The following ITGB8 variants were observed in gnomAD, a reference collection of about 807,000 sequenced individuals.
The protein encoded by ITGB8 is integrin beta-8.
ITGB8 carries 30 observed loss-of-function variants against 89.5 expected under a neutral mutation model. That is an observed-to-expected ratio of 0.34 (90% CI 0.25 to 0.45). The LOEUF is 0.45. Among genes scored for constraint, ITGB8 ranks in the 20% least tolerant of loss-of-function variants. The probability of loss-of-function intolerance (pLI) is 1.00; values close to 1 mark genes in which losing one functional copy is unlikely to be tolerated. For missense variants in ITGB8, 836 were observed against 933.3 expected (o/e 0.90, Z 1.36); for synonymous variants, 335 against 320.4 (o/e 1.05, Z -0.49).
chr7:20,346,486 A>G (rs569637651), intron 1 of ITGB8: 1 of 153,216 alleles, frequency 6.5e-6, no homozygotes, highest in East Asian at 1.9e-4. Context: ...GGTGCAATAA[A>G]CAGGGATAAG....
Position 20,354,867 on chromosome 7 carries a change from CTCAATGCCACCT to C in ITGB8, c.128-8765_128-8754del, listed in dbSNP as rs1455752314. ...TGGGAATTGTGGCATTTCAGTTCCT[CTCAATGCCACCT>C]TCAACAAATTTAGGATTCCGTTAGT... On this transcript the variant is annotated intron_variant, in intron 1 of 13. Coordinates refer to ENST00000222573, the MANE Select transcript of ITGB8 (RefSeq NM_002214.3). Among the ~76,000 whole-genome samples, 13 of 152,324 alleles carry C rather than the reference CTCAATGCCACCT, an allele frequency of 8.5e-5. No individual in the cohort carries two copies. In the Middle Eastern group the frequency reaches 0.01, roughly 120 times the overall value.
chr7:20,391,783 T>C (rs1786869498), intron 7 of ITGB8, among the ~76,000 whole-genome samples: 1 of 152,184 alleles, frequency 6.6e-6, no homozygotes. Context: ...GTGACAATGG[T>C]GGAGAAGACT....
intron 7 of ITGB8, among the ~76,000 whole-genome samples, chr7:20,394,109 G>C (rs10240007): frequency 6.6e-6 from 1 of 152,306 alleles, no homozygotes; most frequent in African/African-American, 2.4e-5. Flanking sequence ...GACTTGAGAT[G>C]CCAAGTTGTT....
chr7:20,364,282 C>G (rs1016274946), intron 2 of ITGB8, among the ~76,000 whole-genome samples: 1 of 152,060 alleles, frequency 6.6e-6, no homozygotes, highest in East Asian at 1.9e-4. Flanking sequence ...GGGGTTTCTT[C>G]TTGTATGAGA....
rs1784411572 is a variant in ITGB8 at position 20,331,866 on chromosome 7, G to T, written c.60G>T (p.Arg20=). The T allele has an allele frequency of 6.2e-7, 1 of 1,613,956 alleles. No individual in the cohort carries two copies. Among genetic ancestry groups the T allele is most frequent in the African/African-American group, 1.3e-5 (1 of 74,942 alleles). The change falls in exon 1 of 14, where the codon CGG becomes CGT. Residue 20 remains arginine (R), a synonymous_variant. Transcript: ENST00000222573. ...CATTTGTCTGCCTGCAAAACGACCG[G>T]CGAGGTCCCGCCTCGTTCCTCTGGG... The part of the protein sequence containing the change: ...TAAFVCLQND[R]RGPASFLWAA...
In ITGB8 at chr7:20,362,478, G is replaced by A. The variant is rs952114375; in HGVS notation, c.128-1159G>A. Among the ~76,000 whole-genome samples the A allele has an allele frequency of 2.6e-5, 4 of 152,172 alleles. 1 individual carries two copies. In the East Asian group the frequency reaches 7.7e-4, roughly 29 times the overall value. Reference sequence around the variant, plus strand: ...TACTAAATGTGACTGCCTCTGGGGAGCAATCCTTAAATATGCCCTCTTCCT... The same window carrying A: ...TACTAAATGTGACTGCCTCTGGGGAACAATCCTTAAATATGCCCTCTTCCT... On this transcript the variant is annotated intron_variant, in intron 1 of 13. Transcript: ENST00000222573.
chr7:20,375,024 G>T (rs1786080811), intron 3 of ITGB8, among the ~76,000 whole-genome samples: 2 of 152,108 alleles, frequency 1.3e-5, no homozygotes, highest in Admixed American at 6.5e-5. Context: ...CAGTATTCTG[G>T]CATGCTAGAG....
At chr7:20,383,811 C>T (rs1786500108) in intron 6 of ITGB8, among the ~76,000 whole-genome samples, 1 of 152,118 alleles carries the variant, frequency 6.6e-6, no homozygotes. Flanking sequence ...GACCTTTTAC[C>T]TTCTTGGTCA....
At chr7:20,374,708 C>G (rs1382785876) in intron 3 of ITGB8, among the ~76,000 whole-genome samples, 2 of 152,024 alleles carry the variant, frequency 1.3e-5, no homozygotes, top group Non-Finnish European at 2.9e-5. Flanking sequence ...AGGCAGGGCA[C>G]AGGAGTATGC....
At chr7:20,398,818 G>T in intron 8 of ITGB8, 42 bp from the exon 9 acceptor site, 1 of 1,415,592 alleles carries the variant, frequency 7.1e-7, no homozygotes, top group South Asian at 1.7e-5. Context: ...GCTGACATTT[G>T]AAACTACTCT....
chr7:20,396,563 C>T (rs1253488312), intron 8 of ITGB8, among the ~76,000 whole-genome samples: 1 of 152,066 alleles, frequency 6.6e-6, no homozygotes, highest in Non-Finnish European at 1.5e-5. Context: ...TAAGGAAGAG[C>T]GTCTTAAATT....
intron 3 of ITGB8, among the ~76,000 whole-genome samples, chr7:20,373,361 A>G (rs1328984056): frequency 6.6e-6 from 1 of 152,200 alleles, no homozygotes; most frequent in Admixed American, 6.5e-5. Context: ...AGGAAACTGG[A>G]TATTAACTCT....
chr7:20,407,175 G>A (rs935602561), intron 12 of ITGB8, among the ~76,000 whole-genome samples: 11 of 152,106 alleles, frequency 7.2e-5, no homozygotes, highest in Admixed American at 2.6e-4. Context: ...ATGGAAGTAC[G>A]TTGCATGGGA....
intron 1 of ITGB8, among the ~76,000 whole-genome samples, chr7:20,345,995 C>T (rs1167559063): frequency 2.6e-5 from 4 of 152,098 alleles, no homozygotes; most frequent in African/African-American, 7.2e-5. Context: ...AACGAGAAAG[C>T]ATCTCCCTGT....
intron 1 of ITGB8, among the ~76,000 whole-genome samples, chr7:20,348,728 A>G (rs1211554063): frequency 1.3e-5 from 2 of 152,186 alleles, no homozygotes; most frequent in Admixed American, 1.3e-4. Flanking sequence ...GGGGGAGCAT[A>G]TAAATAAGAG....
At chr7:20,367,241 A>C in intron 3 of ITGB8, 55 bp downstream of exon 3, 5 of 1,316,458 alleles carry the variant, frequency 3.8e-6, no homozygotes, top group Non-Finnish European at 5.4e-6. Context: ...ATTGCAATTT[A>C]CTTTAATTTG....
intron 6 of ITGB8, chr7:20,382,102 C>G: frequency 2.3e-6 from 1 of 427,194 alleles, no homozygotes. Context: ...TAGTAGCTGA[C>G]TCTTTGATGA....
At chr7:20,378,150 A>G (rs1048472389) in intron 3 of ITGB8, among the ~76,000 whole-genome samples, 1 of 152,258 alleles carries the variant, frequency 6.6e-6, no homozygotes, top group Middle Eastern at 3.2e-3. Context: ...TACCAACTCT[A>G]TAGAGGGTTA....
intron 10 of ITGB8, among the ~76,000 whole-genome samples, chr7:20,404,370 C>T (rs561050492): frequency 4.7e-4 from 72 of 152,310 alleles, no homozygotes; most frequent in African/African-American, 1.6e-3. Context: ...AGTCTGGCAG[C>T]CACTGAAGCA....
Sources: gnomAD v4.1 joint callset for allele counts (sites outside exome capture counted in the v4.1 genomes callset) on GRCh38, gnomAD v4.1.1 for gene constraint, MANE v1.5 for transcripts, NCBI Gene and HGNC (gene_info 2026-07-23, HGNC 2026-07-21) for gene names.